Variants in CCDC102B observed in about 807,000 individuals in gnomAD.
CCDC102B encodes the protein coiled-coil domain-containing protein 102B.
Under a neutral mutation model 57.4 loss-of-function variants are expected in CCDC102B, and 75 were observed. The ratio of observed to expected loss-of-function variants is 1.31; its 90% CI spans 1.08 to 1.58. The LOEUF is 1.58. Among genes scored for constraint, CCDC102B ranks in the 40% most tolerant of loss-of-function variants. The pLI, the probability that CCDC102B is intolerant of heterozygous loss-of-function variation, is 0.00. For synonymous variants in CCDC102B, 206 were observed against 201.9 expected (o/e 1.02, Z -0.17); for missense variants, 636 against 582.6 (o/e 1.09, Z -0.94).
chr18:68,950,650 C>T (rs1419940843), intron 6 of CCDC102B, among the ~76,000 whole-genome samples: 2 of 152,080 alleles, frequency 1.3e-5, no homozygotes, highest in Non-Finnish European at 2.9e-5. Flanking sequence ...GATTATGGGA[C>T]CATTCATGAT....
At chr18:68,905,886 C>CG (rs1437374154) in intron 6 of CCDC102B, among the ~76,000 whole-genome samples, 1 of 138,160 alleles carries the variant, frequency 7.2e-6, no homozygotes, top group Non-Finnish European at 1.5e-5. Flanking sequence ...CTCCGCCTCC[C>CG]GGGTTCACGC....
intron 2 of CCDC102B, 130 bp downstream of exon 2, chr18:68,837,499 T>A: frequency 1.2e-6 from 1 of 842,224 alleles, no homozygotes; most frequent in Non-Finnish European, 1.9e-6. Flanking sequence ...AGTACCATAA[T>A]CACAGTGGTT....
intron 6 of CCDC102B, among the ~76,000 whole-genome samples, chr18:68,929,482 G>T (rs1453772917): frequency 6.6e-6 from 1 of 151,888 alleles, no homozygotes; most frequent in Non-Finnish European, 1.5e-5. Flanking sequence ...CCTGCTGCTG[G>T]GTTCTCGAAG....
chr18:69,005,219 C>T (rs2051310251), intron 6 of CCDC102B, among the ~76,000 whole-genome samples: 2 of 152,262 alleles, frequency 1.3e-5, no homozygotes, highest in South Asian at 4.2e-4. Flanking sequence ...AGAAAATCTG[C>T]CCTTGTTGAT....
intron 2 of CCDC102B, among the ~76,000 whole-genome samples, chr18:68,772,412 C>A (rs971751779): frequency 1.3e-5 from 2 of 152,118 alleles, no homozygotes; most frequent in Non-Finnish European, 2.9e-5. Flanking sequence ...AAATTATCTG[C>A]AGCTGTGAAT....
intron 1 of CCDC102B, among the ~76,000 whole-genome samples, chr18:68,808,180 T>C (rs1244433290): frequency 6.6e-6 from 1 of 152,124 alleles, no homozygotes; most frequent in Non-Finnish European, 1.5e-5. Flanking sequence ...AAGTAACATA[T>C]CTAAAATTGG....
At chr18:68,933,549 G>A (rs1329385073) in intron 6 of CCDC102B, among the ~76,000 whole-genome samples, 1 of 151,802 alleles carries the variant, frequency 6.6e-6, no homozygotes, top group African/African-American at 2.4e-5. Flanking sequence ...GAAGAAGCCT[G>A]TTCAAAATAC....
chr18:69,024,451 A>T (rs2051929552), intron 7 of CCDC102B, among the ~76,000 whole-genome samples: 1 of 152,110 alleles, frequency 6.6e-6, no homozygotes, highest in Admixed American at 6.5e-5. Context: ...TGCTAGAGCT[A>T]TAAGTATTTG....
intron 6 of CCDC102B, among the ~76,000 whole-genome samples, chr18:68,963,248 T>G (rs2050087424): frequency 6.6e-6 from 1 of 151,832 alleles, no homozygotes; most frequent in African/African-American, 2.4e-5. Flanking sequence ...ACAGAAATGG[T>G]TTTATGTCCG....
chr18:68,754,112 T>TAATA (rs2145252639), intron 2 of CCDC102B: 1 of 152,294 alleles, frequency 6.6e-6, no homozygotes, highest in East Asian at 1.9e-4. Flanking sequence ...AAACATATTA[T>TAATA]TACTTGGGTG....
chr18:68,923,725 CAG>C (rs1386174335), intron 6 of CCDC102B, among the ~76,000 whole-genome samples: 8 of 152,060 alleles, frequency 5.3e-5, no homozygotes, highest in Admixed American at 2.6e-4. Flanking sequence ...ACCTTGGTAA[CAG>C]AATTGCATTA....
At chr18:68,731,745 CTCAT>C (rs1273708982) in intron 2 of CCDC102B, among the ~76,000 whole-genome samples, 2 of 148,974 alleles carry the variant, frequency 1.3e-5, no homozygotes, top group African/African-American at 2.4e-5. Flanking sequence ...TACAATAATG[CTCAT>C]TCAGTTATAT....
intron 6 of CCDC102B, among the ~76,000 whole-genome samples, chr18:69,003,460 G>A (rs1173757016): frequency 3.9e-5 from 6 of 152,054 alleles, no homozygotes; most frequent in Non-Finnish European, 8.8e-5. Context: ...AGCAAAATTT[G>A]GGAGATATTT....
intron 4 of CCDC102B, among the ~76,000 whole-genome samples, chr18:68,866,323 A>G (rs2038977954): frequency 6.6e-6 from 1 of 152,230 alleles, no homozygotes; most frequent in African/African-American, 2.4e-5. Flanking sequence ...AACATTTCAC[A>G]TGTCATGGTA....
At chr18:68,795,941 A>G (rs2035615094), upstream of CCDC102B, among the ~76,000 whole-genome samples, 1 of 152,216 alleles carries the variant, frequency 6.6e-6, no homozygotes. Flanking sequence ...AAAAGTAATA[A>G]GAGAGGGGAT....
chr18:68,716,511 A>T (rs1175808156), intron 1 of CCDC102B: 3 of 152,006 alleles, frequency 2.0e-5, no homozygotes, highest in Non-Finnish European at 2.9e-5. Context: ...CTGAATATTT[A>T]TTTTTTTTAA....
chr18:69,021,947 T>C (rs1220882578), intron 7 of CCDC102B, among the ~76,000 whole-genome samples: 1 of 152,194 alleles, frequency 6.6e-6, no homozygotes, highest in Non-Finnish European at 1.5e-5. Context: ...TCTTGTTCTT[T>C]ACTTTACCAA....
At chr18:68,958,839 C>T (rs139410372) in intron 6 of CCDC102B, among the ~76,000 whole-genome samples, 343 of 152,202 alleles carry the variant, frequency 2.3e-3, no homozygotes, top group Non-Finnish European at 4.0e-3. Context: ...AGAATTTCTG[C>T]TTGATTCTTT....
chr18:69,023,435 C>A (rs937831527), intron 7 of CCDC102B, among the ~76,000 whole-genome samples: 16 of 151,708 alleles, frequency 1.1e-4, no homozygotes, highest in African/African-American at 3.9e-4. Context: ...TGTTTAGTAA[C>A]CTTATATTAT....
Sources: gnomAD v4.1 joint callset for allele counts (sites outside exome capture counted in the v4.1 genomes callset) on GRCh38, gnomAD v4.1.1 for gene constraint, MANE v1.5 for transcripts, NCBI Gene and HGNC (gene_info 2026-07-23, HGNC 2026-07-21) for gene names.